The following GIPC2 variants were observed in gnomAD, a reference collection of about 807,000 sequenced individuals.
GIPC2 encodes the protein GIPC PDZ domain containing family member 2.
In GIPC2, 30 loss-of-function variants were observed where a neutral mutation model predicts 30.6. That is an observed-to-expected ratio of 0.98 (90% CI 0.73 to 1.33). The LOEUF (loss-of-function observed/expected upper bound fraction) is 1.33. Among genes scored for constraint, GIPC2 ranks in the 40% most tolerant of loss-of-function variants. The pLI, the probability that GIPC2 is intolerant of heterozygous loss-of-function variation, is 0.00. For synonymous variants in GIPC2, 167 were observed against 150.0 expected, an observed-to-expected ratio of 1.11 and a Z score of -0.83; for missense variants, 414 against 390.3, an observed-to-expected ratio of 1.06 and a Z score of -0.51.
chr1:78,066,644 T>C (rs1421221727), intron 1 of GIPC2, among the ~76,000 whole-genome samples: 1 of 152,152 alleles, frequency 6.6e-6, no homozygotes, highest in African/African-American at 2.4e-5. Flanking sequence ...TAAATGCCTA[T>C]CAGTAGTAGA....
chr1:78,085,257 A>C (rs1310445655), intron 2 of GIPC2, among the ~76,000 whole-genome samples: 1 of 152,172 alleles, frequency 6.6e-6, no homozygotes, highest in Non-Finnish European at 1.5e-5. Flanking sequence ...TGTTGAACCA[A>C]TCTTGCATCC....
chr1:78,094,761 T>C, intron 2 of GIPC2, 191 bp from the exon 3 acceptor site: 1 of 483,264 alleles, frequency 2.1e-6, no homozygotes, highest in Non-Finnish European at 3.7e-6. Context: ...ACATTGTATT[T>C]AATGTCTCAA....
At chr1:78,053,721 G>A (rs867795034) in intron 1 of GIPC2, among the ~76,000 whole-genome samples, 3 of 133,324 alleles carry the variant, frequency 2.3e-5, no homozygotes, top group Non-Finnish European at 3.1e-5. Context: ...AACAGCCTGG[G>A]CAACATAGTG....
Position 78,135,631 on chromosome 1 carries a change from C to G in GIPC2, c.836C>G (p.Pro279Arg). The G allele has an allele frequency of 6.2e-7, 1 of 1,604,314 alleles. No homozygotes were observed. Among genetic ancestry groups the G allele is most frequent in the Non-Finnish European group, 8.5e-7 (1 of 1,173,358 alleles). ...MFEAGKDKVNPDEFAVALDET... is the reference protein window; with the variant it reads ...MFEAGKDKVNRDEFAVALDET... ...GAAGCTGGAAAGGACAAAGTAAATC[C>G]AGATGAATTTGCTGTGGCACTTGAC... Residue 279 changes from proline to arginine, a missense_variant, in exon 6 of 6, where the codon CCA (proline) becomes CGA (arginine). By Grantham distance (103) the Pro-to-Arg change is moderately radical (BLOSUM62 -2). Coordinates refer to ENST00000370759, the MANE Select transcript of GIPC2 (RefSeq NM_017655.6).
At chr1:78,080,903 A>G in intron 2 of GIPC2, 43 bp downstream of exon 2, 4 of 1,174,940 alleles carry the variant, frequency 3.4e-6, no homozygotes, top group Admixed American at 5.1e-5. Flanking sequence ...TGAGGATAAC[A>G]TTTAAGAAAA....
At chr1:78,061,484 T>C (rs1166371280) in intron 1 of GIPC2, among the ~76,000 whole-genome samples, 1 of 150,534 alleles carries the variant, frequency 6.6e-6, no homozygotes, top group Non-Finnish European at 1.5e-5. Flanking sequence ...GGTAGAATGG[T>C]TTTTTTTTGT....
At chr1:78,075,940 TTCC>T (rs3052295) in intron 1 of GIPC2, among the ~76,000 whole-genome samples, 34,170 of 152,122 alleles carry the variant, frequency 0.22, 4,135 homozygotes, top group East Asian at 0.49. Context: ...AGGCTCTGCT[TTCC>T]TCATGTCAGC....
At chr1:78,115,843 T>C (rs1355058248) in intron 3 of GIPC2, among the ~76,000 whole-genome samples, 1 of 152,240 alleles carries the variant, frequency 6.6e-6, no homozygotes, top group African/African-American at 2.4e-5. Flanking sequence ...TTATGTTTTA[T>C]GTTTTGGTGA....
chr1:78,091,876 T>G (rs1259903873), intron 2 of GIPC2: 5 of 780,066 alleles, frequency 6.4e-6, no homozygotes, highest in South Asian at 1.3e-5. Context: ...GGAAGAAGAA[T>G]GAAGTTGCTG....
Position 78,112,508 on chromosome 1 carries a change from G to A in GIPC2, c.608-6885G>A, listed in dbSNP as rs750156407. 5.8e-6 allele frequency: 3 copies of A among 519,008 alleles called. No individual in the cohort carries two copies. The Admixed American group carries it at 5.8e-5, about 10-fold the overall frequency. 32.2% of individuals were successfully genotyped at this position (519,008 alleles called of 1,614,324 possible). A position where few individuals can be genotyped will look rare whatever the true frequency, so the allele number is the denominator to read the frequency against. On this transcript the variant is annotated intron_variant, in intron 3 of 5. Transcript: ENST00000370759. ...ATGTTGAAATTATGGTCTCTGCCCA[G>A]GCCCCATAGGTGCTGCTCCATACTC...
intron 1 of GIPC2, among the ~76,000 whole-genome samples, chr1:78,048,639 G>C (rs1661140641): frequency 6.6e-6 from 1 of 151,958 alleles, no homozygotes; most frequent in Non-Finnish European, 1.5e-5. Context: ...GTGTTGCTCA[G>C]TGTGGTTTGA....
intron 3 of GIPC2, 142 bp downstream of exon 3, chr1:78,095,274 G>A: frequency 1.8e-6 from 1 of 568,876 alleles, no homozygotes; most frequent in Non-Finnish European, 3.2e-6. Context: ...CATAGAAAAT[G>A]GTAGCACTAC....
chr1:78,107,890 T>C (rs1662390663), intron 3 of GIPC2, among the ~76,000 whole-genome samples: 1 of 150,256 alleles, frequency 6.7e-6, no homozygotes. Flanking sequence ...AAGAAACTTA[T>C]TCTACGTATT....
chr1:78,053,750 A>AG, intron 1 of GIPC2, among the ~76,000 whole-genome samples: 1 of 139,600 alleles, frequency 7.2e-6, no homozygotes, highest in South Asian at 2.3e-4. Context: ...CCTCTTAAAA[A>AG]AAAAAAAAAA....
Position 78,119,443 on chromosome 1 carries a change from T to G in GIPC2, c.658T>G (p.Cys220Gly), listed in dbSNP as rs538925074. Residue 220 changes from cysteine (C) to glycine (G), a missense_variant, in exon 4 of 6, where the codon TGT (cysteine) becomes GGT (glycine). Transcript: ENST00000370759. ...AAAGTCATCAGGAGAAAAAATTGGT[T>G]GTGGAAGGGCAACACTTCGCCTGAG... is the stretch of plus-strand genomic sequence containing the variant. ...AGKSSGEKIG[C>G]GRATLRLRSK... 9 of 1,613,370 alleles carry G rather than the reference T, an allele frequency of 5.6e-6. No individual in the cohort carries two copies. In the South Asian group the frequency reaches 9.9e-5, roughly 18 times the overall value.
At chr1:78,117,258 A>G (rs1662585184) in intron 3 of GIPC2, among the ~76,000 whole-genome samples, 1 of 152,218 alleles carries the variant, frequency 6.6e-6, no homozygotes, top group African/African-American at 2.4e-5. Flanking sequence ...TGTCTGTGTC[A>G]TGAGAGCTTT....
chr1:78,080,614 AAATT>A (rs777066045), intron 1 of GIPC2, 57 bp from the exon 2 acceptor site: 2 of 873,846 alleles, frequency 2.3e-6, no homozygotes, highest in Non-Finnish European at 3.6e-6. Flanking sequence ...GTTTATAAAT[AAATT>A]AACGGTCAGA....
At chr1:78,068,130 CA>C (rs527509768) in intron 1 of GIPC2, among the ~76,000 whole-genome samples, 20 of 146,448 alleles carry the variant, frequency 1.4e-4, no homozygotes, top group East Asian at 5.9e-4. Context: ...TCTTCTAAGC[CA>C]AAAAAAAAAC....
intron 1 of GIPC2, among the ~76,000 whole-genome samples, chr1:78,059,061 A>G (rs1354924708): frequency 2.0e-5 from 3 of 152,198 alleles, no homozygotes; most frequent in Admixed American, 6.5e-5. Flanking sequence ...TGGGTGAACT[A>G]CACCAGTGGT....
Sources: gnomAD v4.1 joint callset for allele counts (sites outside exome capture counted in the v4.1 genomes callset) on GRCh38, gnomAD v4.1.1 for gene constraint, MANE v1.5 for transcripts, NCBI Gene and HGNC (gene_info 2026-07-23, HGNC 2026-07-21) for gene names.